The following JAKMIP3 variants were observed in gnomAD, a reference collection of about 807,000 sequenced individuals.
JAKMIP3 encodes the protein janus kinase and microtubule-interacting protein 3.
JAKMIP3 carries 58 observed loss-of-function variants against 118.5 expected under a neutral mutation model. The ratio of observed to expected loss-of-function variants is 0.49; its 90% CI spans 0.40 to 0.61. The LOEUF (loss-of-function observed/expected upper bound fraction) is 0.61, where lower values mean the gene tolerates loss of function less well. Among genes scored for constraint, JAKMIP3 ranks in the 20% least tolerant of loss-of-function variants. The probability of loss-of-function intolerance (pLI) is 0.00; values close to 1 mark genes in which losing one functional copy is unlikely to be tolerated. For synonymous variants in JAKMIP3, 486 were observed against 451.2 expected (o/e 1.08, Z -0.98); for missense variants, 950 against 1,109.0 (o/e 0.86, Z 2.04).
chr10:132,159,195 T>C, intron 19 of JAKMIP3, among the ~76,000 whole-genome samples: 1 of 13,558 alleles, frequency 7.4e-5, no homozygotes, highest in Admixed American at 8.3e-4. Context: ...TGGGGGCATC[T>C]CTCCCTGTGT....
At chr10:132,171,448 G>A (rs756262719) in intron 23 of JAKMIP3, among the ~76,000 whole-genome samples, 21 of 152,184 alleles carry the variant, frequency 1.4e-4, no homozygotes, top group Admixed American at 9.2e-4. Flanking sequence ...GACAATGTCC[G>A]TCCGAGTGTA....
At chr10:132,175,152 T>C (rs2060032399) in intron 23 of JAKMIP3, among the ~76,000 whole-genome samples, 1 of 152,258 alleles carries the variant, frequency 6.6e-6, no homozygotes, top group Non-Finnish European at 1.5e-5. Flanking sequence ...AGCGTGGTTT[T>C]TGATGTTAGA....
intron 16 of JAKMIP3, among the ~76,000 whole-genome samples, chr10:132,151,959 T>C (rs2056300913): frequency 6.6e-6 from 1 of 152,218 alleles, no homozygotes; most frequent in South Asian, 2.1e-4. Flanking sequence ...CACATGCAAC[T>C]TGTGGTTTAA....
chr10:132,038,962 C>A (rs965277351), intron 1 of JAKMIP3, among the ~76,000 whole-genome samples: 1 of 152,084 alleles, frequency 6.6e-6, no homozygotes, highest in Non-Finnish European at 1.5e-5. Context: ...GCTGCAGAGG[C>A]AGGTGGAGGC....
intron 3 of JAKMIP3, among the ~76,000 whole-genome samples, chr10:132,123,456 A>G (rs961365720): frequency 4.0e-5 from 6 of 151,714 alleles, no homozygotes; most frequent in African/African-American, 9.7e-5. Flanking sequence ...TTGTCTAGAC[A>G]GCTAGTTAAA....
chr10:132,102,538 C>T (rs1012168429), intron 1 of JAKMIP3, among the ~76,000 whole-genome samples: 11 of 152,202 alleles, frequency 7.2e-5, no homozygotes, highest in African/African-American at 2.4e-4. Flanking sequence ...TGGAGGCCGG[C>T]GGCCCTGCAG....
In JAKMIP3 at chr10:132,120,097, G is replaced by C. The variant is rs534459639; in HGVS notation, c.633+2523G>C. Among the ~76,000 whole-genome samples, 4 of 152,304 alleles carry C rather than the reference G, an allele frequency of 2.6e-5. No homozygotes were observed. The South Asian group carries it at 8.3e-4, about 32-fold the overall frequency. On this transcript the variant is annotated intron_variant, in intron 3 of 23. Coordinates refer to ENST00000684848, the MANE Select transcript of JAKMIP3 (RefSeq NM_001323087.2). The stretch of plus-strand genomic sequence containing the variant: ...CTCCCAGGGTCAGGTCGTCCCCAGG[G>C]CCTCTGGCATTCCAATACAAGGACA...
At chr10:132,106,567 T>C (rs1325855745) in intron 2 of JAKMIP3, among the ~76,000 whole-genome samples, 2 of 152,156 alleles carry the variant, frequency 1.3e-5, no homozygotes, top group African/African-American at 2.4e-5. Context: ...GGAGTCTCGC[T>C]TCTCGGATAC....
chr10:132,124,395 C>T (rs1322827992), intron 3 of JAKMIP3, among the ~76,000 whole-genome samples: 4 of 141,292 alleles, frequency 2.8e-5, no homozygotes, highest in African/African-American at 1.0e-4. Flanking sequence ...CGGCCGGCCA[C>T]ACCGCACACA....
rs200612398 is a variant in JAKMIP3 at position 132,133,438 on chromosome 10, C to T, written c.760C>T (p.Arg254Ter). The T allele has an allele frequency of 6.6e-4, 1,057 of 1,589,502 alleles. 1 individual carries two copies. The highest frequency in any genetic ancestry group is 8.4e-4 in the Non-Finnish European group (980 of 1,168,614). ...TCTAGATGAGCAGCTGTCCCAGGTC[C>T]GAGAGGCCGACCGGCACCCGGGCAG... ...EALDEQLSQV[R>*]EADRHPGSPR... is the part of the protein sequence containing the mutation. The change falls in exon 4 of 24, where the codon CGA (arginine) becomes TGA (stop). Residue 254 changes from arginine (R) to a stop codon, truncating the protein, a stop_gained. Coordinates refer to ENST00000684848, the MANE Select transcript of JAKMIP3 (RefSeq NM_001323087.2). LOFTEE classifies it high-confidence loss of function.
intron 3 of JAKMIP3, among the ~76,000 whole-genome samples, chr10:132,121,447 C>T (rs1308624375): frequency 6.6e-6 from 1 of 152,204 alleles, no homozygotes. Context: ...CGGGCCGGCA[C>T]CTGAGTCCTA....
chr10:132,109,784 G>T (rs1429598459), intron 2 of JAKMIP3, among the ~76,000 whole-genome samples: 1 of 152,222 alleles, frequency 6.6e-6, no homozygotes. Flanking sequence ...AGCCTTCGGG[G>T]CCCCTGGGCT....
At chr10:132,063,197 A>T (rs2038463482), upstream of JAKMIP3, among the ~76,000 whole-genome samples, 1 of 152,184 alleles carries the variant, frequency 6.6e-6, no homozygotes, top group Admixed American at 6.5e-5. Flanking sequence ...GTGGGATCAG[A>T]CTTGGGCCTC....
At chr10:132,066,831 C>A (rs1170571553) in intron 1 of JAKMIP3, among the ~76,000 whole-genome samples, 9 of 152,144 alleles carry the variant, frequency 5.9e-5, no homozygotes, top group Admixed American at 3.9e-4. Context: ...AAGGGTGTCA[C>A]AGGTAACTTG....
chr10:132,108,492 G>A lies in JAKMIP3; in HGVS notation c.135+3549G>A, dbSNP rs558950764. 7.2e-5 allele frequency among the ~76,000 whole-genome samples: 11 copies of A among 152,168 alleles called. No individual in the cohort carries two copies. In the East Asian group the frequency reaches 9.6e-4, roughly 13 times the overall value. On this transcript the variant is annotated intron_variant, in intron 2 of 23. Coordinates refer to ENST00000684848, the MANE Select transcript of JAKMIP3 (RefSeq NM_001323087.2). ...GCAGGGGCTGGAGGGGAAAAAGGAC[G>A]GGTGGGACACAGGTGGAGCCTCAGA...
chr10:132,097,447 G>A lies in JAKMIP3; in HGVS notation c.-137-7225G>A, dbSNP rs534597677. Among the ~76,000 whole-genome samples the A allele has an allele frequency of 4.6e-5, 7 of 151,048 alleles. No individual in the cohort carries two copies. The East Asian group carries it at 9.8e-4, about 21-fold the overall frequency. ...CCCTCCAAGCATCACACGGACTCTC[G>A]GGAGGTCGCCTACTGTATGACTTCA... On this transcript the variant is annotated intron_variant, in intron 1 of 23. Transcript: ENST00000684848.
At chr10:132,180,876 C>T (rs2061351317) in intron 23 of JAKMIP3, among the ~76,000 whole-genome samples, 1 of 151,826 alleles carries the variant, frequency 6.6e-6, no homozygotes, top group Non-Finnish European at 1.5e-5. Flanking sequence ...TGTCTTTGGG[C>T]ATGTGCATGT....
intron 2 of JAKMIP3, among the ~76,000 whole-genome samples, chr10:132,109,008 T>C (rs2046371020): frequency 6.8e-6 from 1 of 147,484 alleles, no homozygotes; most frequent in Admixed American, 6.8e-5. Flanking sequence ...TACACGCAAA[T>C]GTATATATGT....
chr10:132,133,965 C>T (rs1196886779), intron 4 of JAKMIP3, among the ~76,000 whole-genome samples: 1 of 152,230 alleles, frequency 6.6e-6, no homozygotes, highest in East Asian at 1.9e-4. Flanking sequence ...GCCCAGCTGG[C>T]CCCTCAAGGG....
Sources: allele counts gnomAD v4.1 joint callset (sites outside exome capture counted in the v4.1 genomes callset), GRCh38; gene constraint gnomAD v4.1.1; transcripts MANE v1.5; gene names NCBI Gene and HGNC (gene_info 2026-07-23, HGNC 2026-07-21).